COL15A1: variants seen among roughly 807,000 people sequenced by gnomAD.
The protein encoded by COL15A1 is collagen type XV alpha 1 chain, also known as collagen alpha-1(XV) chain.
In COL15A1, 111 loss-of-function variants were observed where a neutral mutation model predicts 165.9. The ratio of observed to expected loss-of-function variants is 0.67; its 90% confidence interval spans 0.57 to 0.78. The LOEUF (loss-of-function observed/expected upper bound fraction) is 0.78, where lower values mean the gene tolerates loss of function less well. Ranked by LOEUF, COL15A1 falls within the 30% of genes least tolerant of loss-of-function variation. The pLI, the probability that COL15A1 is intolerant of heterozygous loss-of-function variation, is 0.00. For missense variants in COL15A1, 1,745 were observed against 1,789.7 expected (o/e 0.98, Z 0.45); for synonymous variants, 659 against 674.8 (o/e 0.98, Z 0.36).
chr9:99,047,221 C>A (rs1839505668), intron 26 of COL15A1, among the ~76,000 whole-genome samples: 1 of 152,194 alleles, frequency 6.6e-6, no homozygotes, highest in Non-Finnish European at 1.5e-5. Context: ...TCCTGGAAAG[C>A]CAGCACTGAA....
chr9:98,993,666 T>C (rs1450616762), intron 5 of COL15A1, among the ~76,000 whole-genome samples: 1 of 152,080 alleles, frequency 6.6e-6, no homozygotes, highest in Non-Finnish European at 1.5e-5. Context: ...CAGAGCCAGG[T>C]CTCCAGCTCA....
At chr9:98,962,844 A>T (rs1837885119) in intron 2 of COL15A1, among the ~76,000 whole-genome samples, 1 of 152,162 alleles carries the variant, frequency 6.6e-6, no homozygotes, top group Non-Finnish European at 1.5e-5. Flanking sequence ...AAAGCTTTGG[A>T]TTAGAACTGT....
intron 2 of COL15A1, among the ~76,000 whole-genome samples, chr9:98,955,700 G>A: frequency 6.6e-6 from 1 of 152,198 alleles, no homozygotes; most frequent in East Asian, 1.9e-4. Flanking sequence ...TGCTTTTTCT[G>A]GCATAGGAAA....
intron 29 of COL15A1, 21 bp downstream of exon 29, chr9:99,049,779 A>G: frequency 6.2e-7 from 1 of 1,614,230 alleles, no homozygotes; most frequent in Non-Finnish European, 8.5e-7. Context: ...ACGCAGTGGG[A>G]AGACCTTCCC....
intron 8 of COL15A1, among the ~76,000 whole-genome samples, chr9:99,004,195 C>T (rs1838717276): frequency 6.6e-6 from 1 of 152,042 alleles, no homozygotes; most frequent in Non-Finnish European, 1.5e-5. Context: ...ATGGATGTAG[C>T]CAGATTAGAA....
chr9:99,053,137 G>A (rs1450576172), intron 31 of COL15A1, among the ~76,000 whole-genome samples: 1 of 152,240 alleles, frequency 6.6e-6, no homozygotes, highest in Non-Finnish European at 1.5e-5. Context: ...AGGGGATGGG[G>A]CCTGCAGGTG....
intron 29 of COL15A1, 38 bp from the exon 30 acceptor site, chr9:99,049,816 C>T (rs774920765): frequency 3.1e-6 from 5 of 1,614,104 alleles, no homozygotes; most frequent in Admixed American, 1.7e-5. Context: ...AGTCAGGTGT[C>T]CTGTTGACCT....
chr9:98,948,187 A>G (rs1184839488), intron 2 of COL15A1, among the ~76,000 whole-genome samples: 1 of 152,220 alleles, frequency 6.6e-6, no homozygotes, highest in Non-Finnish European at 1.5e-5. Context: ...CATAGTTCAC[A>G]GGAAGAAAGA....
rs1200091781 is a variant in COL15A1, at chr9:98,975,694, A to C, written c.101-9871A>C. ...GATTTCTCCTCTCTGCGCCCTGAGG[A>C]GGGGCCACCCCAAAACTGCACTTAG... On this transcript the variant is annotated intron_variant, in intron 2 of 41. Coordinates refer to ENST00000375001, the MANE Select transcript of COL15A1 (RefSeq NM_001855.5). Among the ~76,000 whole-genome samples the C allele has an allele frequency of 3.3e-5, 5 of 152,224 alleles. No homozygotes were observed. The East Asian group carries it at 9.7e-4, about 29-fold the overall frequency.
chr9:99,055,084 G>A lies in COL15A1; in HGVS notation c.3032-18G>A, dbSNP rs767712988. On this transcript the variant is annotated intron_variant, in intron 32 of 41. Coordinates refer to ENST00000375001, the MANE Select transcript of COL15A1 (RefSeq NM_001855.5). ...CTGAAATTACAATCGTGAATTTTAC[G>A]AAGCATTTCTTTTTCAGGTCCTCCA... 1.1e-5 allele frequency: 17 copies of A among 1,604,214 alleles called. No individual in the cohort carries two copies. The highest frequency in any genetic ancestry group is 4.4e-5 in the South Asian group (4 of 90,880).
intron 24 of COL15A1, 90 bp from the exon 25 acceptor site, chr9:99,044,478 A>C (rs1839462244): frequency 8.7e-7 from 1 of 1,151,320 alleles, no homozygotes; most frequent in South Asian, 1.2e-5. Flanking sequence ...TCTCTGTACA[A>C]GGTGGCAAGG....
At chr9:98,965,243 C>T (rs1318665574) in intron 2 of COL15A1, among the ~76,000 whole-genome samples, 2 of 152,170 alleles carry the variant, frequency 1.3e-5, no homozygotes, top group Non-Finnish European at 2.9e-5. Context: ...CCAAGGCACC[C>T]GGTTGCCTGT....
rs1839414754 is a variant in COL15A1, at chr9:99,042,052, G to A, written c.2519G>A (p.Arg840Lys). ...TATAACAATTCCTTCCAGGGTCCTA[G>A]AGGACCAAAAGGTGACACTGGTTTA... is the stretch of plus-strand genomic sequence containing the variant. ...LPGLPGFPGP[R>K]GPKGDTGLPG... The change falls in exon 24 of 42, where the codon AGA becomes AAA. Residue 840 changes from arginine to lysine, a missense_variant. By Grantham distance (26) the Arg-to-Lys change is conservative. Transcript: ENST00000375001. The A allele has an allele frequency of 6.2e-7, 1 of 1,607,766 alleles. No homozygotes were observed. The highest frequency in any genetic ancestry group is 8.5e-7 in the Non-Finnish European group (1 of 1,175,058).
At chr9:99,003,821 A>G (rs1838707676) in intron 8 of COL15A1, among the ~76,000 whole-genome samples, 1 of 152,222 alleles carries the variant, frequency 6.6e-6, no homozygotes, top group African/African-American at 2.4e-5. Context: ...TAAATAGGAT[A>G]GACGTGATTC....
intron 2 of COL15A1, among the ~76,000 whole-genome samples, chr9:98,958,166 T>C (rs916295611): frequency 3.3e-5 from 5 of 152,258 alleles, no homozygotes; most frequent in Admixed American, 2.6e-4. Context: ...TTTGCTCTTC[T>C]TCTGCTGTGG....
At chr9:99,023,008 C>T (rs1348758721) in intron 13 of COL15A1, among the ~76,000 whole-genome samples, 7 of 152,146 alleles carry the variant, frequency 4.6e-5, no homozygotes, top group Non-Finnish European at 7.4e-5. Context: ...GAGACCTTGA[C>T]AGAGGCTAGT....
chr9:98,950,586 T>TCCGC (rs1564004738), intron 2 of COL15A1, among the ~76,000 whole-genome samples: 1 of 59,212 alleles, frequency 1.7e-5, no homozygotes, highest in Admixed American at 2.0e-4. Flanking sequence ...CTTCCTTCCT[T>TCCGC]CCTTCCTCCC....
chr9:99,054,804 T>C, intron 32 of COL15A1, 148 bp downstream of exon 32: 1 of 874,002 alleles, frequency 1.1e-6, no homozygotes. Flanking sequence ...AAACCAAGCA[T>C]GGGCCTGGCA....
rs1839059484 is a variant in COL15A1 at position 99,023,349 on chromosome 9, C to A, written c.1762-8C>A. ...AATGCAAGTAGTGGAAATTTCTTCTCTTTCCAGGCAGGAGCAGAAGCAGAG... is the reference window on the plus strand; with the variant it reads ...AATGCAAGTAGTGGAAATTTCTTCTATTTCCAGGCAGGAGCAGAAGCAGAG... On this transcript the variant is annotated splice_region_variant and splice_polypyrimidine_tract_variant and intron_variant, in intron 13 of 41. Transcript: ENST00000375001. 6.3e-7 allele frequency: 1 copy of A among 1,590,418 alleles called. No homozygotes were observed. The highest frequency in any genetic ancestry group is 8.6e-7 in the Non-Finnish European group (1 of 1,167,730).
Sources: allele counts gnomAD v4.1 joint callset (sites outside exome capture counted in the v4.1 genomes callset), GRCh38; gene constraint gnomAD v4.1.1; transcripts MANE v1.5; gene names NCBI Gene and HGNC (gene_info 2026-07-23, HGNC 2026-07-21).